The following EFHD1 variants were observed in gnomAD, a reference collection of about 807,000 sequenced individuals.
The protein encoded by EFHD1 is EF-hand domain-containing protein D1.
A neutral mutation model predicts 17.2 loss-of-function variants in EFHD1; 10 were observed. The ratio of observed to expected loss-of-function variants is 0.58; its 90% CI spans 0.36 to 0.99. The LOEUF is 0.99. Ranked by LOEUF, EFHD1 falls within the 50% of genes least tolerant of loss-of-function variation. The probability of loss-of-function intolerance (pLI) is 0.01; values close to 1 mark genes in which losing one functional copy is unlikely to be tolerated. For missense variants in EFHD1, 310 were observed against 327.5 expected, an observed-to-expected ratio of 0.95 and a Z score of 0.41; for synonymous variants, 153 against 142.0, an observed-to-expected ratio of 1.08 and a Z score of -0.55.
At chr2:232,631,093 G>T (rs1694192771), upstream of EFHD1, among the ~76,000 whole-genome samples, 1 of 152,016 alleles carries the variant, frequency 6.6e-6, no homozygotes, top group South Asian at 2.1e-4. Flanking sequence ...TGGGCTTGGT[G>T]GTGGGTGCCT....
intron 1 of EFHD1, among the ~76,000 whole-genome samples, chr2:232,638,962 T>A (rs551703240): frequency 6.6e-6 from 1 of 152,170 alleles, no homozygotes; most frequent in Admixed American, 6.5e-5. Context: ...TGGGTCTTAG[T>A]TTCTGGCAGA....
chr2:232,663,099 G>A (rs1314824303), intron 2 of EFHD1, 150 bp downstream of exon 2: 6 of 917,862 alleles, frequency 6.5e-6, no homozygotes, highest in African/African-American at 3.5e-5. Flanking sequence ...ATACCTTTTA[G>A]GTGACAGCTA....
chr2:232,631,698 AAAAAAAAAC>A (rs200526926), upstream of EFHD1, among the ~76,000 whole-genome samples: 4,172 of 148,298 alleles, frequency 0.028, 232 homozygotes, highest in African/African-American at 0.096. Flanking sequence ...CATTAAAAAA[AAAAAAAAAC>A]AAAAACAAAA....
intron 1 of EFHD1, chr2:232,638,267 T>G (rs1694355781): frequency 4.4e-6 from 2 of 454,962 alleles, no homozygotes; most frequent in Admixed American, 4.9e-5. Flanking sequence ...GGCAGCCACT[T>G]AAAGGCAGGA....
intron 2 of EFHD1, among the ~76,000 whole-genome samples, chr2:232,670,311 C>T (rs552903657): frequency 1.4e-4 from 22 of 152,154 alleles, no homozygotes; most frequent in East Asian, 5.8e-4. Flanking sequence ...TGTGATGTCA[C>T]GCTCCTGTAA....
intron 1 of EFHD1, 118 bp downstream of exon 1, chr2:232,634,124 T>G: frequency 4.1e-6 from 6 of 1,469,552 alleles, no homozygotes; most frequent in Non-Finnish European, 5.4e-6. Flanking sequence ...CAGGTAGCAT[T>G]TGGCCCAACG....
chr2:232,660,492 G>A (rs892721482), intron 1 of EFHD1, among the ~76,000 whole-genome samples: 12 of 151,848 alleles, frequency 7.9e-5, no homozygotes, highest in South Asian at 4.2e-4. Flanking sequence ...GAGCCACTGC[G>A]CCAGGCCTCT....
intron 1 of EFHD1, among the ~76,000 whole-genome samples, chr2:232,643,600 G>A (rs1416182506): frequency 2.0e-5 from 3 of 151,510 alleles, no homozygotes; most frequent in Admixed American, 2.0e-4. Flanking sequence ...TGCTGAGGCT[G>A]GTCTCAAACT....
chr2:232,657,162 C>G (rs1271465613), intron 1 of EFHD1, among the ~76,000 whole-genome samples: 1 of 152,198 alleles, frequency 6.6e-6, no homozygotes, highest in Non-Finnish European at 1.5e-5. Flanking sequence ...CACTGTCATC[C>G]ATTTCCAGAA....
rs189482358 is a variant in EFHD1 at position 232,636,349 on chromosome 2, C to T, written c.302+2343C>T. Among the ~76,000 whole-genome samples the T allele has an allele frequency of 3.3e-5, 5 of 152,284 alleles. No homozygotes were observed. The East Asian group carries it at 9.6e-4, about 29-fold the overall frequency. On this transcript the variant is annotated intron_variant, in intron 1 of 3. Transcript: ENST00000264059. ...TCCTTGGGCAGCTTATTTAAAAGCT[C>T]TGTGCCATCAGTTTTCCCTTCTGTC...
intron 1 of EFHD1, among the ~76,000 whole-genome samples, chr2:232,656,094 C>A (rs1479743245): frequency 6.6e-6 from 1 of 152,174 alleles, no homozygotes; most frequent in Non-Finnish European, 1.5e-5. Flanking sequence ...GCGTGAGCCA[C>A]CGTGCCCGGC....
intron 1 of EFHD1, among the ~76,000 whole-genome samples, chr2:232,613,643 C>CATACACACACACACAA (rs1553594023): frequency 0.034 from 4,603 of 135,262 alleles, 312 homozygotes; most frequent in African/African-American, 0.12. Flanking sequence ...TATACACACA[C>CATACACACACACACAA]ATACACACAC....
intron 1 of EFHD1, among the ~76,000 whole-genome samples, chr2:232,627,883 G>T (rs1206086495): frequency 6.6e-6 from 1 of 151,168 alleles, no homozygotes; most frequent in African/African-American, 2.4e-5. Flanking sequence ...TTATTTTTTT[G>T]TAAAACTAAT....
At chr2:232,646,479 CTG>C (rs146222883) in intron 1 of EFHD1, among the ~76,000 whole-genome samples, 34,498 of 117,150 alleles carry the variant, frequency 0.29, 6,057 homozygotes, top group Middle Eastern at 0.47. Context: ...GTGTTTCACT[CTG>C]TCACCCAGGC....
intron 1 of EFHD1, among the ~76,000 whole-genome samples, chr2:232,645,912 A>G (rs10193825): frequency 0.38 from 57,044 of 151,994 alleles, 11,892 homozygotes; most frequent in Non-Finnish European, 0.47. Context: ...CCGTCTCACT[A>G]ATGTTCTTCC....
intron 3 of EFHD1, among the ~76,000 whole-genome samples, chr2:232,675,664 G>T (rs61350459): frequency 0.032 from 4,927 of 152,218 alleles, 182 homozygotes; most frequent in East Asian, 0.21. Context: ...GCACTACCAG[G>T]ACACACTTGC....
intron 1 of EFHD1, among the ~76,000 whole-genome samples, chr2:232,660,403 C>A (rs182884401): frequency 1.3e-5 from 2 of 151,734 alleles, no homozygotes; most frequent in African/African-American, 4.8e-5. Flanking sequence ...ACCGTGTTAG[C>A]CAGGATGGTC....
intron 3 of EFHD1, among the ~76,000 whole-genome samples, chr2:232,675,653 G>T (rs1695159485): frequency 6.6e-6 from 1 of 152,150 alleles, no homozygotes; most frequent in South Asian, 2.1e-4. Flanking sequence ...GATCGGGGTG[G>T]GCACTACCAG....
At chr2:232,651,106 CG>C (rs1210797191) in intron 1 of EFHD1, among the ~76,000 whole-genome samples, 1 of 152,100 alleles carries the variant, frequency 6.6e-6, no homozygotes, top group East Asian at 1.9e-4. Context: ...AAGCAGGCCC[CG>C]GTCAGTTGGG....
Sources: gnomAD v4.1 joint callset for allele counts (sites outside exome capture counted in the v4.1 genomes callset) on GRCh38, gnomAD v4.1.1 for gene constraint, MANE v1.5 for transcripts, NCBI Gene and HGNC (gene_info 2026-07-23, HGNC 2026-07-21) for gene names.